Variants in IL19 observed in about 807,000 individuals in gnomAD.
The protein encoded by IL19 is interleukin-19.
In IL19, 15 loss-of-function variants were observed where a neutral mutation model predicts 19.5. The ratio of observed to expected loss-of-function variants is 0.77; its 90% CI spans 0.52 to 1.19. The LOEUF is 1.19. Ranked by LOEUF, IL19 falls within the 50% of genes most tolerant of loss-of-function variation. The pLI is 0.00. For synonymous variants in IL19, 78 were observed against 78.3 expected (o/e 1.00, Z 0.02); for missense variants, 199 against 213.1 (o/e 0.93, Z 0.41).
chr1:206,774,319 T>A (rs906633537), intron 1 of IL19, among the ~76,000 whole-genome samples: 1 of 152,202 alleles, frequency 6.6e-6, no homozygotes, highest in Non-Finnish European at 1.5e-5. Flanking sequence ...TGGAGCTAAC[T>A]CAGAACTTAC....
At chr1:206,836,929 T>C in intron 3 of IL19, 29 bp from the exon 4 acceptor site, 1 of 1,608,266 alleles carries the variant, frequency 6.2e-7, no homozygotes, top group Non-Finnish European at 8.5e-7. Flanking sequence ...ACCGATTGCT[T>C]ATGTCTGTTC....
chr1:206,802,245 A>G (rs1007552260), intron 2 of IL19, among the ~76,000 whole-genome samples: 1 of 152,164 alleles, frequency 6.6e-6, no homozygotes, highest in Non-Finnish European at 1.5e-5. Flanking sequence ...TTTAAAACAC[A>G]TGGCTTATTG....
At chr1:206,774,878 A>G (rs2102443284) in intron 1 of IL19, among the ~76,000 whole-genome samples, 1 of 152,038 alleles carries the variant, frequency 6.6e-6, no homozygotes, top group South Asian at 2.1e-4. Flanking sequence ...AGGGAGAGTG[A>G]CTCAGGGATG....
intron 2 of IL19, chr1:206,834,041 A>G: frequency 1.0e-6 from 1 of 985,570 alleles, no homozygotes; most frequent in South Asian, 4.7e-5. Flanking sequence ...AACGTGCCAC[A>G]GCTCTCAGGA....
chr1:206,802,989 T>A (rs1276312012), intron 2 of IL19, among the ~76,000 whole-genome samples: 1 of 152,186 alleles, frequency 6.6e-6, no homozygotes, highest in East Asian at 1.9e-4. Context: ...GGGACGTCAT[T>A]TCCTTTTCCA....
chr1:206,781,550 C>A (rs1475606777), intron 1 of IL19, among the ~76,000 whole-genome samples: 1 of 151,536 alleles, frequency 6.6e-6, no homozygotes, highest in Non-Finnish European at 1.5e-5. Context: ...GACTCTCAAT[C>A]CTCCCCATAC....
At chr1:206,776,647 G>C (rs1675003084) in intron 1 of IL19, among the ~76,000 whole-genome samples, 1 of 152,034 alleles carries the variant, frequency 6.6e-6, no homozygotes, top group Non-Finnish European at 1.5e-5. Context: ...AGCTGGGAAG[G>C]TGACCGCATA....
chr1:206,831,370 C>A (rs543540371), intron 2 of IL19, among the ~76,000 whole-genome samples: 1 of 152,238 alleles, frequency 6.6e-6, no homozygotes, highest in Admixed American at 6.5e-5. Context: ...CCATTGGTCC[C>A]AGAAGTCCTA....
At chr1:206,813,477 TCTC>T (rs1324092467) in intron 2 of IL19, among the ~76,000 whole-genome samples, 1 of 152,150 alleles carries the variant, frequency 6.6e-6, no homozygotes, top group East Asian at 1.9e-4. Context: ...CCAGCCAGTG[TCTC>T]TTCTGCAGAG....
intron 2 of IL19, 89 bp from the exon 3 acceptor site, chr1:206,836,572 C>G (rs1471344543): frequency 7.9e-7 from 1 of 1,269,054 alleles, no homozygotes. Context: ...GGCTTGCCTT[C>G]GAGGCTGGAA....
At chr1:206,835,911 T>C (rs944763618) in intron 2 of IL19, among the ~76,000 whole-genome samples, 2 of 152,172 alleles carry the variant, frequency 1.3e-5, no homozygotes, top group African/African-American at 4.8e-5. Context: ...GCAAGAAGGG[T>C]AAGAGAATGA....
At chr1:206,828,573 T>A (rs1267355904) in intron 2 of IL19, among the ~76,000 whole-genome samples, 1 of 152,114 alleles carries the variant, frequency 6.6e-6, no homozygotes, top group Non-Finnish European at 1.5e-5. Context: ...CCATGAGAAA[T>A]GTTAGAAATT....
intron 1 of IL19, among the ~76,000 whole-genome samples, chr1:206,798,630 G>A (rs995535949): frequency 9.3e-5 from 14 of 151,294 alleles, no homozygotes; most frequent in African/African-American, 3.2e-4. Flanking sequence ...TCCCCGACCC[G>A]ATTTACCAAA....
chr1:206,822,541 C>T (rs1408601570), intron 2 of IL19, among the ~76,000 whole-genome samples: 1 of 152,174 alleles, frequency 6.6e-6, no homozygotes, highest in Admixed American at 6.5e-5. Context: ...CAACCTTGTC[C>T]AAGTGTTTAA....
At chr1:206,788,663 C>T (rs902598581) in intron 1 of IL19, among the ~76,000 whole-genome samples, 22 of 152,182 alleles carry the variant, frequency 1.4e-4, no homozygotes, top group African/African-American at 4.8e-4. Context: ...CTCATTGCCC[C>T]TCACTGCCCC....
At chr1:206,773,778 G>C (rs1674923210) in intron 1 of IL19, among the ~76,000 whole-genome samples, 1 of 152,144 alleles carries the variant, frequency 6.6e-6, no homozygotes, top group Admixed American at 6.5e-5. Context: ...CTTCCACAGG[G>C]GCTTTGCCTG....
At chr1:206,828,565 A>G (rs1487204445) in intron 2 of IL19, among the ~76,000 whole-genome samples, 4 of 152,228 alleles carry the variant, frequency 2.6e-5, no homozygotes, top group Admixed American at 6.5e-5. Context: ...GTATGTGACC[A>G]TGAGAAATGT....
At chr1:206,830,779 A>G (rs1354955917) in intron 2 of IL19, among the ~76,000 whole-genome samples, 2 of 152,118 alleles carry the variant, frequency 1.3e-5, no homozygotes, top group African/African-American at 2.4e-5. Flanking sequence ...GGGTTTCACC[A>G]CATTGGCTAG....
chr1:206,791,643 C>T (rs1298143022), intron 1 of IL19, among the ~76,000 whole-genome samples: 1 of 152,160 alleles, frequency 6.6e-6, no homozygotes, highest in East Asian at 1.9e-4. Context: ...TGTGCTCAGT[C>T]CCAAAGCTTC....
Sources: allele counts gnomAD v4.1 joint callset (sites outside exome capture counted in the v4.1 genomes callset), GRCh38; gene constraint gnomAD v4.1.1; transcripts MANE v1.5; gene names NCBI Gene and HGNC (gene_info 2026-07-23, HGNC 2026-07-21).